LURAP1L: variants seen among roughly 807,000 people sequenced by gnomAD.
The protein encoded by LURAP1L is leucine rich adaptor protein 1-like.
Under a neutral mutation model 13.8 loss-of-function variants are expected in LURAP1L, and 12 were observed. The ratio of observed to expected loss-of-function variants is 0.87; its 90% CI spans 0.56 to 1.41. The LOEUF (loss-of-function observed/expected upper bound fraction) is 1.41, where lower values mean the gene tolerates loss of function less well. Among genes scored for constraint, LURAP1L ranks in the 40% most tolerant of loss-of-function variants. The pLI is 0.00. For synonymous variants in LURAP1L, 139 were observed against 119.2 expected, an observed-to-expected ratio of 1.17 and a Z score of -1.08; for missense variants, 375 against 292.9, an observed-to-expected ratio of 1.28 and a Z score of -2.04.
intron 1 of LURAP1L, among the ~76,000 whole-genome samples, chr9:12,784,838 G>T (rs987484588): frequency 6.6e-6 from 1 of 151,900 alleles, no homozygotes; most frequent in Non-Finnish European, 1.5e-5. Context: ...GGGAGGGTCT[G>T]GAGTCGGGAA....
At chr9:12,791,367 C>T (rs970042658) in intron 1 of LURAP1L, among the ~76,000 whole-genome samples, 7 of 151,970 alleles carry the variant, frequency 4.6e-5, no homozygotes, top group Non-Finnish European at 8.8e-5. Flanking sequence ...CTACGTGAAC[C>T]TTTTAAATAC....
intron 1 of LURAP1L, among the ~76,000 whole-genome samples, chr9:12,793,737 C>T (rs979390018): frequency 2.0e-5 from 3 of 152,014 alleles, no homozygotes; most frequent in African/African-American, 4.8e-5. Flanking sequence ...CCCATCTAGT[C>T]ATAGTACAAA....
intron 1 of LURAP1L, among the ~76,000 whole-genome samples, chr9:12,791,682 CCTT>C (rs1278550729): frequency 1.4e-5 from 2 of 142,090 alleles, no homozygotes; most frequent in African/African-American, 2.9e-5. Context: ...TGCCCTCCTC[CCTT>C]CTTTTTACAC....
chr9:12,807,718 T>C (rs972854146), intron 1 of LURAP1L, among the ~76,000 whole-genome samples: 2 of 152,098 alleles, frequency 1.3e-5, no homozygotes, highest in South Asian at 4.1e-4. Context: ...TATTTGTACA[T>C]ATTTTCTATT....
At chr9:12,809,220 C>T (rs143228650) in intron 1 of LURAP1L, among the ~76,000 whole-genome samples, 48 of 152,312 alleles carry the variant, frequency 3.2e-4, no homozygotes, top group African/African-American at 1.0e-3. Flanking sequence ...TTGGGGATCA[C>T]ATTTCAACAT....
rs1026468879 is a variant in LURAP1L, at chr9:12,776,137, G to T, written c.312+110G>T. Reference sequence around the variant, plus strand: ...GACGGCAGGGGCTGCAGAGCGGAGCGCTGGGCGCGTGGGAAATGCTGGGTG... The same window carrying T: ...GACGGCAGGGGCTGCAGAGCGGAGCTCTGGGCGCGTGGGAAATGCTGGGTG... On this transcript the variant is annotated intron_variant, in intron 1 of 1. Coordinates refer to ENST00000319264, the MANE Select transcript of LURAP1L (RefSeq NM_203403.2). The T allele has an allele frequency of 8.7e-6, 10 of 1,146,026 alleles. No individual in the cohort carries two copies. In the Admixed American group the frequency reaches 1.2e-4, roughly 14 times the overall value. 71.0% of individuals were successfully genotyped at this position (1,146,026 alleles called of 1,614,324 possible). A position where few individuals can be genotyped will look rare whatever the true frequency, so the allele number is the denominator to read the frequency against.
chr9:12,787,850 C>T (rs770876969), intron 1 of LURAP1L, among the ~76,000 whole-genome samples: 3 of 152,022 alleles, frequency 2.0e-5, no homozygotes, highest in East Asian at 1.9e-4. Flanking sequence ...CAGTGGTTCA[C>T]GCCTGTAATC....
At chr9:12,781,887 G>A (rs1051796502) in intron 1 of LURAP1L, among the ~76,000 whole-genome samples, 4 of 152,058 alleles carry the variant, frequency 2.6e-5, no homozygotes, top group Admixed American at 6.5e-5. Flanking sequence ...AGTGTACAAG[G>A]GTTCCCTTTT....
chr9:12,821,902 C>A lies in LURAP1L; in HGVS notation c.*142C>A. 1 of 915,226 alleles carries A rather than the reference C, an allele frequency of 1.1e-6. No individual in the cohort carries two copies. The highest frequency in any genetic ancestry group is 1.7e-6 in the Non-Finnish European group (1 of 606,006). The allele number at this position is 915,226 out of a possible 1,614,324, so 56.7% of individuals were successfully genotyped here. A position where few individuals can be genotyped will look rare whatever the true frequency, so the allele number is the denominator to read the frequency against. On this transcript the variant is annotated 3_prime_UTR_variant, in exon 2 of 2. Coordinates refer to ENST00000319264, the MANE Select transcript of LURAP1L (RefSeq NM_203403.2). ...ATTTTGAAACTGCTTAATGGTATTG[C>A]TGTTGCTCCTAATACTTCTCATCTG...
Position 12,821,380 on chromosome 9 carries a change from C to T in LURAP1L, c.313-6C>T. ...TGGAATATCTTTCTTCTCTCTTTGTCCATAGGTTAACCTCAGAGCCACAGA... is the reference window on the plus strand; with the variant it reads ...TGGAATATCTTTCTTCTCTCTTTGTTCATAGGTTAACCTCAGAGCCACAGA... On this transcript the variant is annotated splice_polypyrimidine_tract_variant and splice_region_variant and intron_variant, in intron 1 of 1. Coordinates refer to ENST00000319264, the MANE Select transcript of LURAP1L (RefSeq NM_203403.2). 6.2e-7 allele frequency: 1 copy of T among 1,609,464 alleles called. No homozygotes were observed. The highest frequency in any genetic ancestry group is 8.5e-7 in the Non-Finnish European group (1 of 1,176,638).
intron 1 of LURAP1L, among the ~76,000 whole-genome samples, chr9:12,787,827 G>A (rs1308628666): frequency 6.6e-6 from 1 of 151,946 alleles, no homozygotes; most frequent in Non-Finnish European, 1.5e-5. Context: ...AACATAGAAA[G>A]CTCAGCCAGA....
intron 1 of LURAP1L, among the ~76,000 whole-genome samples, chr9:12,787,860 C>A (rs1285443414): frequency 6.6e-6 from 1 of 152,000 alleles, no homozygotes; most frequent in Non-Finnish European, 1.5e-5. Context: ...CGCCTGTAAT[C>A]CCAGCACTTT....
intron 1 of LURAP1L, among the ~76,000 whole-genome samples, chr9:12,807,868 T>C (rs1248286582): frequency 6.6e-6 from 1 of 152,170 alleles, no homozygotes; most frequent in African/African-American, 2.4e-5. Flanking sequence ...ATTATACTTC[T>C]TTTTTAAGTA....
chr9:12,810,431 A>G (rs1204945416), intron 1 of LURAP1L, among the ~76,000 whole-genome samples: 4 of 152,112 alleles, frequency 2.6e-5, no homozygotes, highest in Non-Finnish European at 5.9e-5. Flanking sequence ...TTTCTGATGA[A>G]CCTAAGCATA....
chr9:12,820,779 A>C (rs2118557742), intron 1 of LURAP1L, among the ~76,000 whole-genome samples: 1 of 152,326 alleles, frequency 6.6e-6, no homozygotes, highest in African/African-American at 2.4e-5. Flanking sequence ...ATAGTCATAA[A>C]GAATACAGGT....
At chr9:12,780,990 A>T (rs967829048) in intron 1 of LURAP1L, among the ~76,000 whole-genome samples, 1 of 152,046 alleles carries the variant, frequency 6.6e-6, no homozygotes, top group Non-Finnish European at 1.5e-5. Context: ...TTATTATTTG[A>T]GATGGAGTTT....
chr9:12,810,562 ATTTGT>A (rs749110114), intron 1 of LURAP1L, among the ~76,000 whole-genome samples: 40 of 152,270 alleles, frequency 2.6e-4, no homozygotes, highest in East Asian at 7.7e-4. Context: ...TTATTCACCG[ATTTGT>A]TTTAAGAATG....
At chr9:12,788,187 G>GAAAGAAAAGA (rs71489589) in intron 1 of LURAP1L, among the ~76,000 whole-genome samples, 1 of 136,598 alleles carries the variant, frequency 7.3e-6, no homozygotes, top group African/African-American at 2.7e-5. Flanking sequence ...AAGAAAGAAA[G>GAAAGAAAAGA]AAAGAAAAGA....
chr9:12,789,115 A>AGAAAT (rs1354975664), intron 1 of LURAP1L, among the ~76,000 whole-genome samples: 25 of 151,814 alleles, frequency 1.6e-4, no homozygotes, highest in African/African-American at 6.0e-4. Flanking sequence ...AGAAAAGAAA[A>AGAAAT]AATATTGATA....
Sources: gnomAD v4.1 joint callset for allele counts (sites outside exome capture counted in the v4.1 genomes callset) on GRCh38, gnomAD v4.1.1 for gene constraint, MANE v1.5 for transcripts, NCBI Gene and HGNC (gene_info 2026-07-23, HGNC 2026-07-21) for gene names.